BTNL2: variants seen among roughly 807,000 people sequenced by gnomAD.
BTNL2 encodes butyrophilin-like protein 2.
Under a neutral mutation model 46.8 loss-of-function variants are expected in BTNL2, and 46 were observed. That is an observed-to-expected ratio of 0.98 (90% CI 0.78 to 1.26). The LOEUF is 1.26. Among genes scored for constraint, BTNL2 ranks in the 50% most tolerant of loss-of-function variants. The pLI is 0.00. For synonymous variants in BTNL2, 226 were observed against 229.1 expected (o/e 0.99, Z 0.12); for missense variants, 461 against 592.6 (o/e 0.78, Z 2.31).
chr6:32,394,755 A>G lies in BTNL2; in HGVS notation c.1349T>C (p.Phe450Ser), dbSNP rs75461214. 1,590 of 1,612,202 alleles carry G rather than the reference A, an allele frequency of 9.9e-4. 13 individuals carry two copies. The African/African-American group carries it at 0.018, about 18-fold the overall frequency. The change falls in exon 6 of 8, where the codon TTT (phenylalanine) becomes TCT (serine). Residue 450 changes from phenylalanine to serine, a missense_variant. Physicochemically the swap from Phe to Ser is radical, Grantham distance 155 (BLOSUM62 -2). Coordinates refer to ENST00000454136, the MANE Select transcript of BTNL2 (RefSeq NM_001304561.2). This position sits in a 1 kb window ranked among gnomAD's most constrained non-coding sequence, Gnocchi z 4.6. ...PFLGEEKIAT[F>S]SLSESRMTFL... The stretch of plus-strand genomic sequence containing the variant: ...AAGGAATCACCAACCTGAGAGAGAA[A>G]AAGTTGCGATTTTCTCCTCGCCCAA...
chr6:32,395,122 G>T, intron 5 of BTNL2, 97 bp from the exon 6 acceptor site: 1 of 1,315,304 alleles, frequency 7.6e-7, no homozygotes, highest in Non-Finnish European at 1.0e-6. Context: ...GGAGGGCTTG[G>T]GGAAGGGAGA....
At chr6:32,405,451 C>T (rs1777077366) in intron 1 of BTNL2, 165 bp from the exon 2 acceptor site, 1 of 796,198 alleles carries the variant, frequency 1.3e-6, no homozygotes, top group Non-Finnish European at 2.1e-6. Flanking sequence ...CTGTTTGTTA[C>T]AGAGTCAATT....
intron 3 of BTNL2, 94 bp from the exon 4 acceptor site, chr6:32,401,899 A>G: frequency 9.8e-7 from 1 of 1,023,686 alleles, no homozygotes. Flanking sequence ...TATACATTAT[A>G]TAGGGAAGCT....
At chr6:32,404,912 A>AC in intron 2 of BTNL2, 27 bp downstream of exon 2, 1 of 1,592,370 alleles carries the variant, frequency 6.3e-7, no homozygotes, top group Non-Finnish European at 8.6e-7. Flanking sequence ...GCCTCTTGAG[A>AC]CCCTGTGTCT....
chr6:32,403,337 A>G (rs1776913563), intron 2 of BTNL2, 121 bp from the exon 3 acceptor site: 2 of 1,079,498 alleles, frequency 1.9e-6, no homozygotes, highest in South Asian at 1.7e-5. Flanking sequence ...TGAGGAGCAG[A>G]AAGTCGACCT....
At chr6:32,400,790 G>A (rs1037902050) in intron 4 of BTNL2, among the ~76,000 whole-genome samples, 3 of 143,742 alleles carry the variant, frequency 2.1e-5, no homozygotes, top group Non-Finnish European at 4.6e-5. Context: ...GCGCATGCCT[G>A]TAGTCCCAGT....
Position 32,399,712 on chromosome 6 carries a change from G to C in BTNL2, c.730+2073C>G, listed in dbSNP as rs1438924838. Among the ~76,000 whole-genome samples, 1 of 152,072 alleles carries C rather than the reference G, an allele frequency of 6.6e-6. No homozygotes were observed. The highest frequency in any genetic ancestry group is 1.5e-5 in the Non-Finnish European group (1 of 67,990). ...CAATTAAACTTTATAATTATTGTAA[G>C]AAAAAATGAAATAATTCCCATAACA... On this transcript the variant is annotated intron_variant, in intron 4 of 7. Transcript: ENST00000454136. The surrounding 1 kb of genome is among the most constrained non-coding windows in gnomAD (Gnocchi z 5.2).
In BTNL2 at chr6:32,399,074, C is replaced by T; in HGVS notation, c.731-2688G>A. On this transcript the variant is annotated intron_variant, in intron 4 of 7. Coordinates refer to ENST00000454136, the MANE Select transcript of BTNL2 (RefSeq NM_001304561.2). This position sits in a 1 kb window ranked among gnomAD's most constrained non-coding sequence, Gnocchi z 5.2. ...TCCATTAGCTGTTCTTCCTGATGCT[C>T]TCCCTCCCCCATCCCCCAACAGGTG... Among the ~76,000 whole-genome samples the T allele has an allele frequency of 6.6e-6, 1 of 151,864 alleles. No individual in the cohort carries two copies. The highest frequency in any genetic ancestry group is 2.0e-4 in the East Asian group (1 of 5,074).
Position 32,402,960 on chromosome 6 carries a change from C to T in BTNL2, c.684G>A (p.Glu228=), listed in dbSNP as rs759506775. The T allele has an allele frequency of 2.3e-5, 37 of 1,612,912 alleles. No individual in the cohort carries two copies. Among genetic ancestry groups the T allele is most frequent in the Non-Finnish European group, 3.1e-5 (36 of 1,180,010 alleles). The change falls in exon 3 of 8, where the codon GAG becomes GAA. Residue 228 remains glutamate (E), a synonymous_variant. Coordinates refer to ENST00000454136, the MANE Select transcript of BTNL2 (RefSeq NM_001304561.2). ...CTGGGAGGCTGATGACCGACCCCTT[C>T]TCCTCAGTGAGGACGGGGTTGTGGA... ...CLVHNPVLTE[E]KGSVISLPEK...
rs923309744 is a variant in BTNL2, at chr6:32,399,683, A to G, written c.730+2102T>C. ...TGTTTCTTAGCTGTAATATGAGGAT[A>G]AAGCAATTAAACTTTATAATTATTG... On this transcript the variant is annotated intron_variant, in intron 4 of 7. Transcript: ENST00000454136. The surrounding 1 kb of genome is among the most constrained non-coding windows in gnomAD (Gnocchi z 5.2). 1.3e-5 allele frequency among the ~76,000 whole-genome samples: 2 copies of G among 152,266 alleles called. No individual in the cohort carries two copies. Among genetic ancestry groups the G allele is most frequent in the Non-Finnish European group, 2.9e-5 (2 of 68,044 alleles).
intron 5 of BTNL2, 133 bp downstream of exon 5, chr6:32,395,906 G>T: frequency 2.8e-6 from 2 of 706,060 alleles, no homozygotes; most frequent in East Asian, 2.7e-5. Context: ...TCACACACTG[G>T]AGGATTTGAT....
intron 1 of BTNL2, chr6:32,406,496 T>C (rs1777158697): frequency 6.7e-6 from 1 of 149,286 alleles, no homozygotes; most frequent in African/African-American, 2.5e-5. Flanking sequence ...GGCTCTGACA[T>C]CTCCTTCTGA....
At chr6:32,401,915 C>T in intron 3 of BTNL2, 110 bp from the exon 4 acceptor site, 1 of 813,686 alleles carries the variant, frequency 1.2e-6, no homozygotes, top group African/African-American at 1.8e-5. Context: ...AAGCTCAATT[C>T]ATTAAAAAAA....
At position 32,396,411 on chromosome 6, in the gene BTNL2, C is replaced by T. The variant is rs1356745289; in HGVS notation, c.731-25G>A. 1 of 1,586,010 alleles carries T rather than the reference C, an allele frequency of 6.3e-7. No individual in the cohort carries two copies. Among genetic ancestry groups the T allele is most frequent in the Non-Finnish European group, 8.6e-7 (1 of 1,159,630 alleles). On this transcript the variant is annotated intron_variant, in intron 4 of 7. Transcript: ENST00000454136. This position sits in a 1 kb window ranked among gnomAD's most constrained non-coding sequence, Gnocchi z 4.4. The stretch of plus-strand genomic sequence containing the variant: ...GCTGTTAAATAGAGTGGACAAAACA[C>T]AATGAAAGAATCAAAATGGAACCAA...
At chr6:32,402,781 C>T (rs1255733093) in intron 3 of BTNL2, among the ~76,000 whole-genome samples, 154 bp downstream of exon 3, 4 of 152,186 alleles carry the variant, frequency 2.6e-5, no homozygotes, top group East Asian at 3.8e-4. Context: ...AAATGTAGTG[C>T]GTATATTTCC....
rs117256614 is a variant in BTNL2, at chr6:32,399,142, C to T, written c.730+2643G>A. ...CCTGCCATGCATCCATGTGTTCTCA[C>T]CAATCAGCTCCCCCTTATAAGTGTG... On this transcript the variant is annotated intron_variant, in intron 4 of 7. Transcript: ENST00000454136. The surrounding 1 kb of genome is among the most constrained non-coding windows in gnomAD (Gnocchi z 5.2). Among the ~76,000 whole-genome samples, 2,660 of 152,288 alleles carry T rather than the reference C, an allele frequency of 0.017. 77 individuals are homozygous for T. Among genetic ancestry groups the T allele is most frequent in the East Asian group, 0.11 (566 of 5,182 alleles).
Position 32,398,156 on chromosome 6 carries a change from A to AT in BTNL2, c.731-1771dup, listed in dbSNP as rs201969594. Among the ~76,000 whole-genome samples, 807 of 151,976 alleles carry AT rather than the reference A, an allele frequency of 5.3e-3. 9 individuals are homozygous for AT. Among genetic ancestry groups the AT allele is most frequent in the African/African-American group, 0.018 (762 of 41,478 alleles). On this transcript the variant is annotated intron_variant, in intron 4 of 7. Transcript: ENST00000454136. ...ATTCTCATCAGGCCCTGCCCGTGCC[A>AT]TTTTTTCTCTATTCTAAATTAAGTG...
At chr6:32,406,488 C>G (rs1777158227) in intron 1 of BTNL2, 1 of 151,656 alleles carries the variant, frequency 6.6e-6, no homozygotes, top group Admixed American at 6.6e-5. Context: ...TTCCTTAGGG[C>G]TCTGACATCT....
At chr6:32,395,746 T>C (rs1433306868) in intron 5 of BTNL2, among the ~76,000 whole-genome samples, 2 of 152,226 alleles carry the variant, frequency 1.3e-5, no homozygotes, top group Non-Finnish European at 2.9e-5. Flanking sequence ...TGTGAAACAA[T>C]GAGCCTTTTG....
Sources: allele counts gnomAD v4.1 joint callset (sites outside exome capture counted in the v4.1 genomes callset), GRCh38; gene constraint gnomAD v4.1.1; non-coding constraint Gnocchi (gnomAD v3.1); transcripts MANE v1.5; gene names NCBI Gene and HGNC (gene_info 2026-07-23, HGNC 2026-07-21).